PCDHGA8: variants seen among roughly 807,000 people sequenced by gnomAD.
PCDHGA8 encodes the protein protocadherin gamma-A8.
PCDHGA8 carries 45 observed loss-of-function variants against 59.2 expected under a neutral mutation model. That is an observed-to-expected ratio of 0.76 (90% confidence interval 0.60 to 0.98). The LOEUF (loss-of-function observed/expected upper bound fraction) is 0.98, where lower values mean the gene tolerates loss of function less well. Among genes scored for constraint, PCDHGA8 ranks in the 50% least tolerant of loss-of-function variants. The pLI is 0.00. For synonymous variants in PCDHGA8, 531 were observed against 519.0 expected (o/e 1.02, Z -0.32); for missense variants, 1,257 against 1,196.2 (o/e 1.05, Z -0.75).
Position 141,491,262 on chromosome 5 carries a change from G to A in PCDHGA8, c.2425-3545G>A. ...TGGAGGATGAGGACCCTGAGGAAATGCCCAAATCCAGTGACTTCCTCATAC... is the reference window on the plus strand; with the variant it reads ...TGGAGGATGAGGACCCTGAGGAAATACCCAAATCCAGTGACTTCCTCATAC... On this transcript the variant is annotated intron_variant, in intron 1 of 3. Transcript: ENST00000398604. The surrounding 1 kb of genome is among the most constrained non-coding windows in gnomAD (Gnocchi z 6.9). 2 of 1,614,122 alleles carry A rather than the reference G, an allele frequency of 1.2e-6. No individual in the cohort carries two copies. Among genetic ancestry groups the A allele is most frequent in the Non-Finnish European group, 1.7e-6 (2 of 1,179,952 alleles).
intron 1 of PCDHGA8, chr5:141,427,712 C>A: frequency 9.5e-7 from 1 of 1,051,464 alleles, no homozygotes; most frequent in Non-Finnish European, 1.4e-6. Context: ...GCGCCTCTGA[C>A]CTGGACCTAG....
chr5:141,409,686 A>T, intron 1 of PCDHGA8: 3 of 1,613,350 alleles, frequency 1.9e-6, no homozygotes, highest in Non-Finnish European at 2.5e-6. Context: ...GTGGCGAGTG[A>T]CCTAGAGCCC....
At chr5:141,402,361 T>G (rs2094255838) in intron 1 of PCDHGA8, among the ~76,000 whole-genome samples, 1 of 151,992 alleles carries the variant, frequency 6.6e-6, no homozygotes, top group Admixed American at 6.6e-5. Flanking sequence ...ATGAATGTAC[T>G]TCCAAACAAG....
chr5:141,393,303 G>A lies in PCDHGA8; in HGVS notation c.490G>A (p.Val164Met), dbSNP rs1305361582. ...LPEAVDPDVG[V>M]NSLQSYQLSP... Reference sequence around the variant, plus strand: ...AGAAGCTGTTGACCCGGATGTGGGCGTGAACTCCCTCCAGAGCTACCAGCT... The same window carrying A: ...AGAAGCTGTTGACCCGGATGTGGGCATGAACTCCCTCCAGAGCTACCAGCT... Residue 164 changes from valine to methionine, a missense_variant, in exon 1 of 4, where the codon GTG (valine) becomes ATG (methionine). Transcript: ENST00000398604. The A allele has an allele frequency of 3.1e-6, 5 of 1,613,646 alleles. No homozygotes were observed. Among genetic ancestry groups the A allele is most frequent in the Non-Finnish European group, 3.4e-6 (4 of 1,179,894 alleles).
Position 141,395,019 on chromosome 5 carries a change from C to G in PCDHGA8, c.2206C>G (p.Pro736Ala), listed in dbSNP as rs374672662. Residue 736 changes from proline to alanine, a missense_variant, in exon 1 of 4, where the codon CCT (proline) becomes GCT (alanine). Physicochemically the swap from Pro to Ala is conservative, Grantham distance 27. Transcript: ENST00000398604. ...QDSGGRLVGV[P>A]ASHFVGVEEV... ...TTCCGGTGGCAGATTGGTAGGCGTG[C>G]CTGCCTCACATTTTGTGGGTGTTGA... The G allele has an allele frequency of 3.7e-6, 6 of 1,613,986 alleles. No homozygotes were observed. Among genetic ancestry groups the G allele is most frequent in the Non-Finnish European group, 5.1e-6 (6 of 1,180,016 alleles).
intron 1 of PCDHGA8, chr5:141,409,463 A>G (rs751200597): frequency 1.2e-6 from 2 of 1,613,744 alleles, no homozygotes; most frequent in Non-Finnish European, 1.7e-6. Context: ...ATACAATGTC[A>G]CCATCGTAGC....
chr5:141,440,980 C>T (rs972732898), intron 1 of PCDHGA8: 1 of 152,242 alleles, frequency 6.6e-6, no homozygotes. Context: ...GCTTCACAAC[C>T]CAGAGTACCC....
chr5:141,419,729 G>T (rs1436631336), intron 1 of PCDHGA8: 1 of 1,613,758 alleles, frequency 6.2e-7, no homozygotes, highest in Admixed American at 1.7e-5. Context: ...GCTGCGAACA[G>T]GCGAGGTGCG....
At position 141,493,774 on chromosome 5, in the gene PCDHGA8, C is replaced by T. The variant is rs2099749996; in HGVS notation, c.2425-1033C>T. On this transcript the variant is annotated intron_variant, in intron 1 of 3. Coordinates refer to ENST00000398604, the MANE Select transcript of PCDHGA8 (RefSeq NM_032088.2). The surrounding 1 kb of genome is among the most constrained non-coding windows in gnomAD (Gnocchi z 4.3). ...GCCTTGAGTGAGCCACTGGCAGTTC[C>T]GGAGCTTCCTTCTCCCTGGAGTAAT... Among the ~76,000 whole-genome samples, 1 of 152,258 alleles carries T rather than the reference C, an allele frequency of 6.6e-6. No homozygotes were observed. The highest frequency in any genetic ancestry group is 1.9e-4 in the East Asian group (1 of 5,176).
chr5:141,487,688 G>T lies in PCDHGA8; in HGVS notation c.2425-7119G>T, dbSNP rs376927186. ...AGGCATATGGCTAGGCCATGTCCTAGAGAGTACTGGCCTCTCAGTAAGTGC... is the reference window on the plus strand; with the variant it reads ...AGGCATATGGCTAGGCCATGTCCTATAGAGTACTGGCCTCTCAGTAAGTGC... On this transcript the variant is annotated intron_variant, in intron 1 of 3. Coordinates refer to ENST00000398604, the MANE Select transcript of PCDHGA8 (RefSeq NM_032088.2). The surrounding 1 kb of genome is among the most constrained non-coding windows in gnomAD (Gnocchi z 5.0). 1.2e-6 allele frequency: 2 copies of T among 1,604,966 alleles called. No individual in the cohort carries two copies.
At chr5:141,438,635 TACAC>T (rs56854727) in intron 1 of PCDHGA8, among the ~76,000 whole-genome samples, 720 of 33,094 alleles carry the variant, frequency 0.022, 7 homozygotes, top group Middle Eastern at 0.05. Context: ...TATATATATA[TACAC>T]ACACACACAC....
At chr5:141,479,273 T>G (rs1723290487) in intron 1 of PCDHGA8, 1 of 152,386 alleles carries the variant, frequency 6.6e-6, no homozygotes, top group South Asian at 2.1e-4. Context: ...AGTAATAATT[T>G]ATTTCAAAAA....
At position 141,476,387 on chromosome 5, in the gene PCDHGA8, C is replaced by A. The variant is rs147660262; in HGVS notation, c.2425-18420C>A. ...GACCGGAGAGATGTTTGTGAACGAC[C>A]GTCTGGATCGAGAGGAGCTGTGTGG... is the stretch of plus-strand genomic sequence containing the variant. On this transcript the variant is annotated intron_variant, in intron 1 of 3. Transcript: ENST00000398604. The surrounding 1 kb of genome is among the most constrained non-coding windows in gnomAD (Gnocchi z 7.6). 1.2e-6 allele frequency: 2 copies of A among 1,614,076 alleles called. No individual in the cohort carries two copies. Among genetic ancestry groups the A allele is most frequent in the Non-Finnish European group, 8.5e-7 (1 of 1,180,024 alleles).
Position 141,490,618 on chromosome 5 carries a change from A to C in PCDHGA8, c.2425-4189A>C. The C allele has an allele frequency of 6.2e-7, 1 of 1,614,104 alleles. No homozygotes were observed. Among genetic ancestry groups the C allele is most frequent in the South Asian group, 1.1e-5 (1 of 91,080 alleles). ...ACCCCGCTTCAACCAGCAGCTTTAC[A>C]CTGCTTACATCCTAGAAAACCGGCC... On this transcript the variant is annotated intron_variant, in intron 1 of 3. Coordinates refer to ENST00000398604, the MANE Select transcript of PCDHGA8 (RefSeq NM_032088.2). This position sits in a 1 kb window ranked among gnomAD's most constrained non-coding sequence, Gnocchi z 5.4.
intron 1 of PCDHGA8, among the ~76,000 whole-genome samples, chr5:141,450,424 CTTTAA>C (rs2098679800): frequency 1.3e-5 from 2 of 152,146 alleles, no homozygotes; most frequent in East Asian, 3.9e-4. Context: ...TGTATAATGC[CTTTAA>C]TTTATATTTG....
Position 141,393,205 on chromosome 5 carries a change from C to A in PCDHGA8, c.392C>A (p.Pro131Gln). The A allele has an allele frequency of 6.2e-7, 1 of 1,613,504 alleles. No individual in the cohort carries two copies. The highest frequency in any genetic ancestry group is 8.5e-7 in the Non-Finnish European group (1 of 1,179,896). The change falls in exon 1 of 4, where the codon CCA becomes CAA. Residue 131 changes from proline to glutamine, a missense_variant. Transcript: ENST00000398604. Reference sequence around the variant, plus strand: ...ATAATTGATATTAACGATAATAACCCAAAATTCCAGGTCGAAGATCTAGAA... The same window carrying A: ...ATAATTGATATTAACGATAATAACCAAAAATTCCAGGTCGAAGATCTAGAA... ...IEIIDINDNN[P>Q]KFQVEDLEVK...
intron 1 of PCDHGA8, chr5:141,398,645 C>T (rs932721053): frequency 6.2e-7 from 1 of 1,613,936 alleles, no homozygotes; most frequent in African/African-American, 1.3e-5. Flanking sequence ...TATAAACTCT[C>T]TCTTAACCCA....
chr5:141,431,474 G>A lies in PCDHGA8; in HGVS notation c.2424+36237G>A, dbSNP rs747313827. 2 of 1,613,842 alleles carry A rather than the reference G, an allele frequency of 1.2e-6. No homozygotes were observed. Among genetic ancestry groups the A allele is most frequent in the East Asian group, 4.5e-5 (2 of 44,886 alleles). ...GATGGTTCTGGATGCGAACGACAACGCACCAGCGTTTGCTCAGCCCGAGTA... is the reference window on the plus strand; with the variant it reads ...GATGGTTCTGGATGCGAACGACAACACACCAGCGTTTGCTCAGCCCGAGTA... On this transcript the variant is annotated intron_variant, in intron 1 of 3. Coordinates refer to ENST00000398604, the MANE Select transcript of PCDHGA8 (RefSeq NM_032088.2). This position sits in a 1 kb window ranked among gnomAD's most constrained non-coding sequence, Gnocchi z 4.8.
In PCDHGA8 at chr5:141,476,857, C is replaced by G. The variant is rs201408987; in HGVS notation, c.2425-17950C>G. The G allele has an allele frequency of 3.1e-6, 5 of 1,613,886 alleles. No individual in the cohort carries two copies. Among genetic ancestry groups the G allele is most frequent in the Non-Finnish European group, 4.2e-6 (5 of 1,180,046 alleles). On this transcript the variant is annotated intron_variant, in intron 1 of 3. Coordinates refer to ENST00000398604, the MANE Select transcript of PCDHGA8 (RefSeq NM_032088.2). This position sits in a 1 kb window ranked among gnomAD's most constrained non-coding sequence, Gnocchi z 7.6. Reference sequence around the variant, plus strand: ...ACAATGCGCCTGTCTTCAACCAGTCCTTGTACCGGGCGCGCGTCCTGGAGG... The same window carrying G: ...ACAATGCGCCTGTCTTCAACCAGTCGTTGTACCGGGCGCGCGTCCTGGAGG...
Sources: gnomAD v4.1 joint callset for allele counts (sites outside exome capture counted in the v4.1 genomes callset) on GRCh38, gnomAD v4.1.1 for gene constraint, Gnocchi (gnomAD v3.1) non-coding constraint, MANE v1.5 for transcripts, NCBI Gene and HGNC (gene_info 2026-07-23, HGNC 2026-07-21) for gene names.